The following ERAP1 variants were observed in gnomAD, a reference collection of about 807,000 sequenced individuals.
The protein encoded by ERAP1 is adipocyte-derived leucine aminopeptidase.
In ERAP1, 86 loss-of-function variants were observed where a neutral mutation model predicts 103.7. The ratio of observed to expected loss-of-function variants is 0.83; its 90% CI spans 0.70 to 0.99. The LOEUF (loss-of-function observed/expected upper bound fraction) is 0.99. Ranked by LOEUF, ERAP1 falls within the 50% of genes least tolerant of loss-of-function variation. ERAP1 has a pLI of 0.00. For synonymous variants in ERAP1, 398 were observed against 402.4 expected, an observed-to-expected ratio of 0.99 and a Z score of 0.13; for missense variants, 1,009 against 1,128.4, an observed-to-expected ratio of 0.89 and a Z score of 1.52.
In ERAP1 at chr5:96,774,703, T is replaced by TA; in HGVS notation, c.*1692dup. The TA allele has an allele frequency of 1.0e-6, 1 of 983,204 alleles. No individual in the cohort carries two copies. The allele number at this position is 983,204 out of a possible 1,614,324, so 60.9% of individuals were successfully genotyped here. A position where few individuals can be genotyped will look rare whatever the true frequency, so the allele number is the denominator to read the frequency against. On this transcript the variant is annotated 3_prime_UTR_variant, in exon 19 of 19. Coordinates refer to ENST00000443439, the MANE Select transcript of ERAP1 (RefSeq NM_001040458.3). ...TTAAAATCTTGGTTGTGTATTTTTT[T>TA]AAAAGAAGGGAAATAGTTTAGTTTG...
In ERAP1 at chr5:96,767,406, A is replaced by G. The variant is rs3214019; in HGVS notation, c.2819-4178T>C. 126,094 of 1,581,824 alleles carry G rather than the reference A, an allele frequency of 0.08. 5,840 individuals carry two copies. The highest frequency in any genetic ancestry group is 0.16 in the African/African-American group (11,575 of 74,264). On this transcript the variant is annotated intron_variant, in intron 19 of 19. Transcript: ENST00000296754. The stretch of plus-strand genomic sequence containing the variant: ...CCTAAGTAAACCTTTACAGATATCT[A>G]TGCTTAACCAATAGTCTGCCTTCTT...
chr5:96,842,202 A>T, the ERAP1 span, among the ~76,000 whole-genome samples: 4 of 152,166 alleles, frequency 2.6e-5, no homozygotes, highest in African/African-American at 9.7e-5. Flanking sequence ...ATGGGCATTT[A>T]GGCTGGTTCC....
the ERAP1 span, chr5:96,879,689 T>G: frequency 1.9e-6 from 3 of 1,612,202 alleles, no homozygotes; most frequent in East Asian, 4.5e-5. Flanking sequence ...AGATTTCATG[T>G]TCCATTCTTC....
At chr5:96,799,938 T>C (rs1284356995) in intron 3 of ERAP1, among the ~76,000 whole-genome samples, 1 of 152,146 alleles carries the variant, frequency 6.6e-6, no homozygotes, top group Non-Finnish European at 1.5e-5. Flanking sequence ...CAGGTAGGTA[T>C]AGAGTTTTAA....
the ERAP1 span, chr5:96,902,504 CTT>C: frequency 1.1e-5 from 6 of 542,268 alleles, no homozygotes; most frequent in Admixed American, 3.3e-5. Flanking sequence ...TAAAATAACT[CTT>C]TTAGTAAGAA....
At chr5:96,928,346 T>C in the ERAP1 span, among the ~76,000 whole-genome samples, 1 of 152,220 alleles carries the variant, frequency 6.6e-6, no homozygotes, top group Non-Finnish European at 1.5e-5. Context: ...TGTGACCTTA[T>C]TTGAAATAGG....
the ERAP1 span, chr5:96,896,424 A>C: frequency 6.2e-7 from 1 of 1,613,020 alleles, no homozygotes; most frequent in Non-Finnish European, 8.5e-7. Context: ...AGATTCATTG[A>C]ATTCATCCCG....
intron 19 of ERAP1, chr5:96,768,400 T>G: frequency 2.2e-6 from 1 of 456,644 alleles, no homozygotes; most frequent in Non-Finnish European, 4.4e-6. Flanking sequence ...ATTTTTAAAC[T>G]GTAGAATGAA....
the ERAP1 span, among the ~76,000 whole-genome samples, chr5:96,869,178 T>G: frequency 2.0e-5 from 3 of 151,910 alleles, no homozygotes; most frequent in African/African-American, 7.2e-5. Context: ...TACACAGAGT[T>G]GCTTTGCTCT....
chr5:96,866,972 C>T, the ERAP1 span, among the ~76,000 whole-genome samples: 3 of 151,752 alleles, frequency 2.0e-5, no homozygotes, highest in Admixed American at 6.6e-5. Flanking sequence ...CCTTCTCTGC[C>T]TGCCTCACTT....
chr5:96,856,150 CT>C, the ERAP1 span, among the ~76,000 whole-genome samples: 1 of 150,544 alleles, frequency 6.6e-6, no homozygotes, highest in Non-Finnish European at 1.5e-5. Flanking sequence ...GAAACCCCGT[CT>C]GTATTAAAAA....
intron 1 of ERAP1, among the ~76,000 whole-genome samples, chr5:96,805,409 G>C (rs1778492838): frequency 6.7e-6 from 1 of 148,350 alleles, no homozygotes; most frequent in South Asian, 2.1e-4. Flanking sequence ...AGGTTGAAAA[G>C]CTCATCCTTG....
In ERAP1 at chr5:96,798,605, G is replaced by A. The variant is rs376288298; in HGVS notation, c.664-1296C>T. Among the ~76,000 whole-genome samples the A allele has an allele frequency of 1.1e-4, 17 of 150,606 alleles. 1 individual carries two copies. In the South Asian group the frequency reaches 3.1e-3, roughly 28 times the overall value. On this transcript the variant is annotated intron_variant, in intron 3 of 18. Transcript: ENST00000443439. ...TCTTTTTTTTTTGTTTTGAGAGATA[G>A]GGTCTTGCTATGTTGCCCTGGCTGG...
the ERAP1 span, among the ~76,000 whole-genome samples, chr5:96,892,959 T>C: frequency 6.6e-6 from 1 of 152,182 alleles, no homozygotes; most frequent in South Asian, 2.1e-4. Flanking sequence ...AGTGTCCCCA[T>C]CTATAAAATT....
chr5:96,811,449 A>G (rs1384568238), upstream of ERAP1, among the ~76,000 whole-genome samples: 1 of 152,216 alleles, frequency 6.6e-6, no homozygotes, highest in Non-Finnish European at 1.5e-5. Context: ...GTGACCTACC[A>G]GGGGCCACCA....
the ERAP1 span, among the ~76,000 whole-genome samples, chr5:96,842,933 C>A: frequency 6.6e-6 from 1 of 152,084 alleles, no homozygotes; most frequent in South Asian, 2.1e-4. Flanking sequence ...TTTAAGTCTT[C>A]AATCCATCTT....
chr5:96,856,176 G>T, the ERAP1 span, among the ~76,000 whole-genome samples: 39 of 150,698 alleles, frequency 2.6e-4, 1 homozygote, highest in East Asian at 2.0e-3. Context: ...AAAATTAGCT[G>T]GACGTGGTGG....
the ERAP1 span, among the ~76,000 whole-genome samples, chr5:96,931,189 C>G: frequency 6.6e-6 from 1 of 151,222 alleles, no homozygotes; most frequent in Admixed American, 6.6e-5. Flanking sequence ...CAGGATCTCA[C>G]TCTGTTGCCC....
chr5:96,903,318 G>A, the ERAP1 span: 1 of 1,307,304 alleles, frequency 7.6e-7, no homozygotes. Context: ...AACAGTTCTG[G>A]AGATGTTCTG....
Sources: allele counts gnomAD v4.1 joint callset (sites outside exome capture counted in the v4.1 genomes callset), GRCh38; gene constraint gnomAD v4.1.1; transcripts MANE v1.5; gene names NCBI Gene and HGNC (gene_info 2026-07-23, HGNC 2026-07-21).